Variants in DOCK3 observed in about 807,000 individuals in gnomAD.
The protein encoded by DOCK3 is dedicator of cytokinesis protein 3.
Under a neutral mutation model 265.6 loss-of-function variants are expected in DOCK3, and 60 were observed. The observed-to-expected ratio is 0.23, with a 90% CI of 0.18 to 0.28. The LOEUF (loss-of-function observed/expected upper bound fraction) is 0.28. DOCK3 is among the 10% of genes least tolerant of loss of function. The pLI, the probability that DOCK3 is intolerant of heterozygous loss-of-function variation, is 1.00. For missense variants in DOCK3, 1,981 were observed against 2,594.3 expected (o/e 0.76, Z 5.14); for synonymous variants, 881 against 938.0 (o/e 0.94, Z 1.11).
chr3:51,275,268 C>G, intron 25 of DOCK3, 62 bp downstream of exon 25: 6 of 1,602,870 alleles, frequency 3.7e-6, no homozygotes, highest in Non-Finnish European at 5.1e-6. Flanking sequence ...TTACTTTAGC[C>G]AGAGGCAGAC....
intron 22 of DOCK3, among the ~76,000 whole-genome samples, chr3:51,253,150 A>G (rs1362105718): frequency 3.3e-5 from 5 of 152,236 alleles, no homozygotes; most frequent in Admixed American, 6.5e-5. Context: ...GGTTCTGTTT[A>G]TATAATGGAT....
chr3:50,767,959 T>C (rs902425814), intron 1 of DOCK3, among the ~76,000 whole-genome samples: 4 of 152,158 alleles, frequency 2.6e-5, no homozygotes, highest in Non-Finnish European at 5.9e-5. Context: ...TTTTGCACAT[T>C]GAGTTTATAT....
rs372064139 is a variant in DOCK3, at chr3:50,829,480, AT to A, written c.122-12190del. Among the ~76,000 whole-genome samples, 352 of 152,116 alleles carry A rather than the reference AT, an allele frequency of 2.3e-3. 2 individuals carry two copies. Among genetic ancestry groups the A allele is most frequent in the African/African-American group, 8.2e-3 (342 of 41,488 alleles). On this transcript the variant is annotated intron_variant, in intron 2 of 52. Coordinates refer to ENST00000266037, the MANE Select transcript of DOCK3 (RefSeq NM_004947.5). ...TTACTGTAATTCACTTCTTTCTGAG[AT>A]TTTTATCCCTAAGGCTCAGTTGCTT... is the stretch of plus-strand genomic sequence containing the variant.
chr3:51,131,823 T>C (rs562391046), intron 9 of DOCK3, among the ~76,000 whole-genome samples: 1 of 152,290 alleles, frequency 6.6e-6, no homozygotes, highest in Non-Finnish European at 1.5e-5. Context: ...CCATTGTATT[T>C]AAATTTTGTA....
At chr3:51,021,506 T>G (rs996360128) in intron 5 of DOCK3, among the ~76,000 whole-genome samples, 1 of 152,156 alleles carries the variant, frequency 6.6e-6, no homozygotes, top group Non-Finnish European at 1.5e-5. Flanking sequence ...TTTAAGGAAG[T>G]TCTTTATGAT....
rs1204765405 is a variant in DOCK3, at chr3:51,315,047, G to T, written c.3321G>T (p.Gln1107His). The stretch of plus-strand genomic sequence containing the variant: ...TTCTGGGTGTGACACTGGTCCCACA[G>T]CCAGAAGTACGGAATATCATGATTC... ...GPFLGVTLVP[Q>H]PEVRNIMIPI... The change falls in exon 32 of 53, where the codon CAG (glutamine) becomes CAT (histidine). Residue 1107 changes from glutamine to histidine, a missense_variant. Gln to His is a conservative substitution (Grantham distance 24). This residue lies in a region of DOCK3 where 1,357 missense variants were observed against 1,866.8 expected (regional missense o/e 0.73). Coordinates refer to ENST00000266037, the MANE Select transcript of DOCK3 (RefSeq NM_004947.5). The T allele has an allele frequency of 1.2e-6, 2 of 1,613,002 alleles. No individual in the cohort carries two copies. Among genetic ancestry groups the T allele is most frequent in the South Asian group, 1.1e-5 (1 of 90,902 alleles).
chr3:50,794,757 T>C (rs887557669), intron 2 of DOCK3, among the ~76,000 whole-genome samples: 1 of 151,294 alleles, frequency 6.6e-6, no homozygotes, highest in Non-Finnish European at 1.5e-5. Context: ...ATGTGTAGAT[T>C]TGATCTTGTC....
At chr3:50,711,316 C>T (rs1376080384) in intron 1 of DOCK3, among the ~76,000 whole-genome samples, 2 of 148,954 alleles carry the variant, frequency 1.3e-5, no homozygotes, top group Non-Finnish European at 3.0e-5. Flanking sequence ...GACTGGAGTG[C>T]AGTGGTGTGA....
chr3:51,221,660 G>T (rs1220776081), intron 14 of DOCK3, among the ~76,000 whole-genome samples: 1 of 152,062 alleles, frequency 6.6e-6, no homozygotes, highest in Non-Finnish European at 1.5e-5. Context: ...AACTCAAATC[G>T]TTCCACTTCA....
At chr3:51,157,368 C>T (rs1041300042) in intron 10 of DOCK3, among the ~76,000 whole-genome samples, 1 of 152,126 alleles carries the variant, frequency 6.6e-6, no homozygotes, top group African/African-American at 2.4e-5. Context: ...GCTTCAGCCT[C>T]CCGAGTAGCT....
chr3:50,712,055 T>TA (rs1208171506), intron 1 of DOCK3, among the ~76,000 whole-genome samples: 1 of 152,054 alleles, frequency 6.6e-6, no homozygotes, highest in African/African-American at 2.4e-5. Flanking sequence ...TTAAGTCTTT[T>TA]AAAAAAAATC....
intron 27 of DOCK3, among the ~76,000 whole-genome samples, chr3:51,293,616 A>G (rs2081913404): frequency 6.6e-6 from 1 of 152,192 alleles, no homozygotes; most frequent in Non-Finnish European, 1.5e-5. Flanking sequence ...AGAAAATGGG[A>G]TTGCATCAAA....
At chr3:50,950,644 G>T (rs763873854) in intron 5 of DOCK3, among the ~76,000 whole-genome samples, 1 of 151,870 alleles carries the variant, frequency 6.6e-6, no homozygotes, top group Non-Finnish European at 1.5e-5. Context: ...CTAATTCTAG[G>T]AGAGTACCTA....
intron 5 of DOCK3, among the ~76,000 whole-genome samples, chr3:51,020,134 T>C (rs1490123324): frequency 2.0e-5 from 3 of 151,930 alleles, no homozygotes; most frequent in Non-Finnish European, 4.4e-5. Flanking sequence ...CCAGCATCTG[T>C]TGTTTTTTGA....
In DOCK3 at chr3:51,246,754, A is replaced by G. The variant is rs1254187118; in HGVS notation, c.2131A>G (p.Met711Val). Residue 711 changes from methionine to valine, a missense_variant, in exon 22 of 53, where the codon ATG becomes GTG. Met to Val is a conservative substitution (Grantham distance 21). This residue lies in a region of DOCK3 where 1,357 missense variants were observed against 1,866.8 expected (regional missense o/e 0.73). Transcript: ENST00000266037. ...GCTCATCCGCTGTTTGAAGTGGTATATGGACTGCTCAGCAGAACTGATTCG... is the reference window on the plus strand; with the variant it reads ...GCTCATCCGCTGTTTGAAGTGGTATGTGGACTGCTCAGCAGAACTGATTCG... ...KELIRCLKWYMDCSAELIRQD... is the reference protein window; with the variant it reads ...KELIRCLKWYVDCSAELIRQD... The G allele has an allele frequency of 6.2e-7, 1 of 1,613,594 alleles. No homozygotes were observed.
intron 1 of DOCK3, among the ~76,000 whole-genome samples, chr3:50,695,352 G>T (rs1426232317): frequency 6.6e-6 from 1 of 152,212 alleles, no homozygotes; most frequent in Non-Finnish European, 1.5e-5. Flanking sequence ...AACTTAGCTA[G>T]TGATTTTTTT....
At chr3:50,891,963 A>G (rs757819410) in intron 4 of DOCK3, among the ~76,000 whole-genome samples, 1 of 152,128 alleles carries the variant, frequency 6.6e-6, no homozygotes, top group Non-Finnish European at 1.5e-5. Flanking sequence ...TGTACATAAA[A>G]TTACACACAG....
chr3:50,728,288 C>A (rs1036777501), intron 1 of DOCK3, among the ~76,000 whole-genome samples: 6 of 152,028 alleles, frequency 3.9e-5, no homozygotes, highest in African/African-American at 1.4e-4. Context: ...TACGTAACAT[C>A]CAAAATTTGT....
intron 9 of DOCK3, among the ~76,000 whole-genome samples, chr3:51,098,608 G>A (rs1375552926): frequency 6.6e-6 from 1 of 152,164 alleles, no homozygotes; most frequent in Non-Finnish European, 1.5e-5. Context: ...CTGCAAAAGA[G>A]GTTATGTATG....
Sources: allele counts gnomAD v4.1 joint callset (sites outside exome capture counted in the v4.1 genomes callset), GRCh38; gene constraint gnomAD v4.1.1; regional missense constraint gnomAD v4.1.1; transcripts MANE v1.5; gene names NCBI Gene and HGNC (gene_info 2026-07-23, HGNC 2026-07-21).